Variants in FGF7 observed in about 807,000 individuals in gnomAD.
FGF7 encodes the protein FGF-7.
Under a neutral mutation model 20.5 loss-of-function variants are expected in FGF7, and 6 were observed. The observed-to-expected ratio is 0.29, with a 90% CI of 0.16 to 0.58. The LOEUF (loss-of-function observed/expected upper bound fraction) is 0.58, where lower values mean the gene tolerates loss of function less well. FGF7 is among the 20% of genes least tolerant of loss of function. The probability of loss-of-function intolerance (pLI) is 0.90; values close to 1 mark genes in which losing one functional copy is unlikely to be tolerated. For synonymous variants in FGF7, 64 were observed against 74.7 expected (o/e 0.86, Z 0.74); for missense variants, 144 against 228.8 (o/e 0.63, Z 2.39).
intron 2 of FGF7, among the ~76,000 whole-genome samples, chr15:49,429,601 G>A (rs536237454): frequency 6.6e-6 from 1 of 151,978 alleles, no homozygotes; most frequent in East Asian, 1.9e-4. Flanking sequence ...TATTGAAAGG[G>A]TTGCCTTTCT....
chr15:49,457,687 T>G (rs1370860692), intron 2 of FGF7, among the ~76,000 whole-genome samples: 2 of 151,840 alleles, frequency 1.3e-5, no homozygotes, highest in Non-Finnish European at 2.9e-5. Context: ...CCAGTGACAA[T>G]AGATTTCCAA....
chr15:49,440,218 G>A (rs919010655), intron 2 of FGF7, among the ~76,000 whole-genome samples: 6 of 151,722 alleles, frequency 4.0e-5, no homozygotes, highest in African/African-American at 4.8e-5. Context: ...CATTATTACT[G>A]TGGTTTGTAA....
At chr15:49,430,783 T>C (rs1249986368) in intron 2 of FGF7, among the ~76,000 whole-genome samples, 1 of 149,980 alleles carries the variant, frequency 6.7e-6, no homozygotes, top group Admixed American at 6.7e-5. Flanking sequence ...TTCAGGAGGT[T>C]GAAGCCTTCA....
intron 2 of FGF7, among the ~76,000 whole-genome samples, chr15:49,454,827 T>C (rs2053124433): frequency 6.6e-6 from 1 of 152,104 alleles, no homozygotes; most frequent in Non-Finnish European, 1.5e-5. Context: ...GCCAGGATGG[T>C]CTCGATCTCC....
chr15:49,443,205 C>T (rs78223029), intron 2 of FGF7, among the ~76,000 whole-genome samples: 238 of 151,612 alleles, frequency 1.6e-3, no homozygotes, highest in African/African-American at 5.6e-3. Flanking sequence ...CATTTAATTA[C>T]ATAAACTTAG....
At position 49,477,373 on chromosome 15, in the gene FGF7, A is replaced by G. The variant is rs190480726; in HGVS notation, c.287-5778A>G. On this transcript the variant is annotated intron_variant, in intron 2 of 3. Transcript: ENST00000267843. ...CTCCTCAAGGCCCTTGCCACCACTG[A>G]TACTACTGTCTCTAAAGTTTTGCCT... 9.8e-5 allele frequency among the ~76,000 whole-genome samples: 15 copies of G among 152,296 alleles called. 1 individual carries two copies. The East Asian group carries it at 2.9e-3, about 29-fold the overall frequency.
intron 2 of FGF7, among the ~76,000 whole-genome samples, chr15:49,459,735 T>C (rs2053626277): frequency 6.6e-6 from 1 of 152,170 alleles, no homozygotes; most frequent in South Asian, 2.1e-4. Context: ...CTATAGTTCA[T>C]GACATAAGCT....
chr15:49,440,206 T>A (rs957325525), intron 2 of FGF7, among the ~76,000 whole-genome samples: 5 of 151,836 alleles, frequency 3.3e-5, no homozygotes, highest in Non-Finnish European at 7.4e-5. Flanking sequence ...GTAAACAATA[T>A]GCATTATTAC....
At chr15:49,476,416 C>T (rs1416431517) in intron 2 of FGF7, among the ~76,000 whole-genome samples, 2 of 151,702 alleles carry the variant, frequency 1.3e-5, no homozygotes, top group African/African-American at 4.8e-5. Flanking sequence ...TTCCCAAACA[C>T]CTGAGAGATA....
At chr15:49,437,844 T>C (rs1247334759) in intron 2 of FGF7, among the ~76,000 whole-genome samples, 4 of 151,624 alleles carry the variant, frequency 2.6e-5, no homozygotes, top group Admixed American at 1.3e-4. Flanking sequence ...TAGTAAGTAC[T>C]GTGAAAAAGG....
chr15:49,479,696 C>G (rs953347728), intron 2 of FGF7, among the ~76,000 whole-genome samples: 53 of 145,316 alleles, frequency 3.6e-4, no homozygotes, highest in African/African-American at 1.2e-3. Flanking sequence ...TCACTGCAAC[C>G]TCCGCCTCCC....
chr15:49,460,187 T>C (rs1297978685), intron 2 of FGF7, among the ~76,000 whole-genome samples: 1 of 152,100 alleles, frequency 6.6e-6, no homozygotes, highest in Non-Finnish European at 1.5e-5. Context: ...TTTTTCCTAG[T>C]ACCTGCCAAA....
chr15:49,464,585 T>C (rs1477386780), intron 2 of FGF7, among the ~76,000 whole-genome samples: 1 of 152,188 alleles, frequency 6.6e-6, no homozygotes, highest in East Asian at 1.9e-4. Flanking sequence ...AATTTTGTAA[T>C]AAAATTTAAA....
At chr15:49,447,931 C>T (rs1291349169) in intron 2 of FGF7, among the ~76,000 whole-genome samples, 1 of 151,626 alleles carries the variant, frequency 6.6e-6, no homozygotes, top group Non-Finnish European at 1.5e-5. Context: ...GGCTCGTGTC[C>T]TTTAAAGATC....
At chr15:49,478,077 C>A (rs1440423950) in intron 2 of FGF7, among the ~76,000 whole-genome samples, 1 of 152,150 alleles carries the variant, frequency 6.6e-6, no homozygotes, top group East Asian at 1.9e-4. Flanking sequence ...CTCATCTACT[C>A]CCCGCCAGTA....
At chr15:49,430,625 GGCCTGCTTGC>G (rs2050524393) in intron 2 of FGF7, among the ~76,000 whole-genome samples, 1 of 151,792 alleles carries the variant, frequency 6.6e-6, no homozygotes, top group African/African-American at 2.4e-5. Context: ...ATCTAGCAAG[GGCCTGCTTGC>G]TGTGTCATTC....
In FGF7 at chr15:49,484,552, A is replaced by G; in HGVS notation, c.*48A>G. ...CAGTTCCAGCAGGGAGATTTCTTTA[A>G]GTGGACTGTTTTCTTTCTTCTCAAA... On this transcript the variant is annotated 3_prime_UTR_variant, in exon 4 of 4. Coordinates refer to ENST00000267843, the MANE Select transcript of FGF7 (RefSeq NM_002009.4). The G allele has an allele frequency of 1.0e-6, 1 of 985,102 alleles. No individual in the cohort carries two copies. Among genetic ancestry groups the G allele is most frequent in the Non-Finnish European group, 1.4e-6 (1 of 707,832 alleles). 61.0% of individuals were successfully genotyped at this position (985,102 alleles called of 1,614,324 possible). A position where few individuals can be genotyped will look rare whatever the true frequency, so the allele number is the denominator to read the frequency against.
chr15:49,455,436 G>A (rs1258027883), intron 2 of FGF7, among the ~76,000 whole-genome samples: 1 of 152,114 alleles, frequency 6.6e-6, no homozygotes, highest in Non-Finnish European at 1.5e-5. Context: ...CAAATTGTAT[G>A]TTTTCTTAAG....
intron 2 of FGF7, among the ~76,000 whole-genome samples, chr15:49,453,301 AC>A (rs2052949329): frequency 6.6e-6 from 1 of 152,108 alleles, no homozygotes; most frequent in Non-Finnish European, 1.5e-5. Context: ...ATGGGATTTC[AC>A]CATGTTACCC....
Sources: allele counts gnomAD v4.1 joint callset (sites outside exome capture counted in the v4.1 genomes callset), GRCh38; gene constraint gnomAD v4.1.1; transcripts MANE v1.5; gene names NCBI Gene and HGNC (gene_info 2026-07-23, HGNC 2026-07-21).